Variants in AGMO observed in about 807,000 individuals in gnomAD.
AGMO encodes glyceryl-ether monooxygenase.
A neutral mutation model predicts 60.2 loss-of-function variants in AGMO; 75 were observed. The observed-to-expected ratio is 1.25, with a 90% confidence interval of 1.03 to 1.51. The LOEUF (loss-of-function observed/expected upper bound fraction) is 1.51. Ranked by LOEUF, AGMO falls within the 40% of genes most tolerant of loss-of-function variation. The pLI, the probability that AGMO is intolerant of heterozygous loss-of-function variation, is 0.00. For missense variants in AGMO, 763 were observed against 525.5 expected (o/e 1.45, Z -4.42); for synonymous variants, 261 against 177.1 (o/e 1.47, Z -3.76).
chr7:15,358,364 C>A lies in AGMO; in HGVS notation c.1263+7150G>T, dbSNP rs149543333. ...GTTAATGCTTTTTCAAAAGAGCTGC[C>A]CAGACGAGATGATAACGTGGAAAGG... is the stretch of plus-strand genomic sequence containing the variant. On this transcript the variant is annotated intron_variant, in intron 12 of 12. Coordinates refer to ENST00000342526, the MANE Select transcript of AGMO (RefSeq NM_001004320.2). 234 of 466,006 alleles carry A rather than the reference C, an allele frequency of 5.0e-4. 1 individual carries two copies. The highest frequency in any genetic ancestry group is 4.5e-3 in the African/African-American group (225 of 49,882). 28.9% of individuals were successfully genotyped at this position (466,006 alleles called of 1,614,324 possible).
At chr7:15,352,122 C>T (rs1782263758) in intron 12 of AGMO, among the ~76,000 whole-genome samples, 1 of 152,172 alleles carries the variant, frequency 6.6e-6, no homozygotes, top group Non-Finnish European at 1.5e-5. Flanking sequence ...AAGAAGACCT[C>T]TATTTCCAGT....
At chr7:15,205,085 G>C (rs1220116686) in intron 12 of AGMO, among the ~76,000 whole-genome samples, 23 of 152,154 alleles carry the variant, frequency 1.5e-4, no homozygotes, top group Admixed American at 1.5e-3. Flanking sequence ...TGTGCTTGTT[G>C]CATGCTCTCA....
chr7:15,178,319 G>A, the AGMO span, among the ~76,000 whole-genome samples: 1 of 152,120 alleles, frequency 6.6e-6, no homozygotes, highest in South Asian at 2.1e-4. Flanking sequence ...AGAATTCTAG[G>A]TTAAACTTTC....
intron 4 of AGMO, among the ~76,000 whole-genome samples, chr7:15,429,033 TGCTCTGAA>T (rs1397877526): frequency 1.3e-5 from 2 of 152,096 alleles, no homozygotes; most frequent in African/African-American, 4.8e-5. Context: ...CCCCATTAAC[TGCTCTGAA>T]GCCTTAATCC....
At chr7:15,477,335 T>C (rs753460688) in intron 3 of AGMO, among the ~76,000 whole-genome samples, 2 of 152,052 alleles carry the variant, frequency 1.3e-5, no homozygotes, top group African/African-American at 4.8e-5. Context: ...ATAAAATATG[T>C]CCCATAGACA....
intron 12 of AGMO, among the ~76,000 whole-genome samples, chr7:15,299,919 T>G: frequency 6.6e-6 from 1 of 151,356 alleles, no homozygotes; most frequent in South Asian, 2.1e-4. Context: ...TCCTTTCCTC[T>G]TACTTAGCAG....
the AGMO span, among the ~76,000 whole-genome samples, chr7:15,137,668 A>G: frequency 1.3e-5 from 2 of 152,160 alleles, no homozygotes; most frequent in Non-Finnish European, 2.9e-5. Context: ...GTTTTATAGC[A>G]GAAGATTAGT....
the AGMO span, among the ~76,000 whole-genome samples, chr7:15,169,966 T>C: frequency 6.6e-6 from 1 of 152,266 alleles, no homozygotes; most frequent in African/African-American, 2.4e-5. Flanking sequence ...GAATTTGGCT[T>C]AAGCCAGTGA....
chr7:15,550,988 C>T (rs1240070852), intron 2 of AGMO, among the ~76,000 whole-genome samples: 80 of 138,988 alleles, frequency 5.8e-4, no homozygotes, highest in Middle Eastern at 7.4e-3. Context: ...TGGGCTTCAT[C>T]CCTGGGATGC....
At chr7:15,263,508 T>C (rs751213467) in intron 12 of AGMO, among the ~76,000 whole-genome samples, 1 of 152,124 alleles carries the variant, frequency 6.6e-6, no homozygotes, top group Admixed American at 6.6e-5. Flanking sequence ...GAAAACAGTG[T>C]GGAGACACCT....
intron 3 of AGMO, among the ~76,000 whole-genome samples, chr7:15,484,993 T>C (rs1782873263): frequency 6.6e-6 from 1 of 151,694 alleles, no homozygotes; most frequent in Non-Finnish European, 1.5e-5. Flanking sequence ...GGATACAAGA[T>C]AATGTGATAT....
intron 3 of AGMO, among the ~76,000 whole-genome samples, chr7:15,531,417 CTATATATAT>C (rs1784344587): frequency 1.8e-5 from 1 of 56,692 alleles, no homozygotes; most frequent in Non-Finnish European, 2.9e-5. Context: ...TATATATATT[CTATATATAT>C]TCTATATATA....
rs528580704 is a variant in AGMO at position 15,317,303 on chromosome 7, C to T, written c.1263+48211G>A. On this transcript the variant is annotated intron_variant, in intron 12 of 12. Transcript: ENST00000342526. ...GTATATAAGGTATGAATTTATGACC[C>T]GGAAAAGTAGTCAAGTAAAAGCTTA... 7.2e-4 allele frequency among the ~76,000 whole-genome samples: 109 copies of T among 152,056 alleles called. No individual in the cohort carries two copies. In the South Asian group the frequency reaches 7.7e-3, roughly 11 times the overall value.
chr7:15,416,386 A>C (rs1461460292), intron 5 of AGMO, among the ~76,000 whole-genome samples: 1 of 152,082 alleles, frequency 6.6e-6, no homozygotes, highest in Non-Finnish European at 1.5e-5. Flanking sequence ...AAATTTCTAT[A>C]AACTATTTGG....
chr7:15,150,506 A>C, the AGMO span, among the ~76,000 whole-genome samples: 1 of 152,038 alleles, frequency 6.6e-6, no homozygotes, highest in African/African-American at 2.4e-5. Context: ...GAGGGTTTTT[A>C]ACATAAAAGG....
rs117425212 is a variant in AGMO, at chr7:15,367,264, T to A, written c.1075-1042A>T. Among the ~76,000 whole-genome samples the A allele has an allele frequency of 9.3e-3, 1,419 of 151,940 alleles. 10 individuals are homozygous for A. The highest frequency in any genetic ancestry group is 0.03 in the Admixed American group (457 of 15,240). On this transcript the variant is annotated intron_variant, in intron 10 of 12. Coordinates refer to ENST00000342526, the MANE Select transcript of AGMO (RefSeq NM_001004320.2). ...ATAAATGATAATTTTTTAAAAAAAA[T>A]TATCTTTTGAATCATTGTAACAAAA...
At chr7:15,429,009 G>A (rs918949769) in intron 4 of AGMO, among the ~76,000 whole-genome samples, 3 of 151,948 alleles carry the variant, frequency 2.0e-5, no homozygotes, top group South Asian at 2.1e-4. Flanking sequence ...CCTCCATCAC[G>A]TGCCCTGTTT....
chr7:15,441,322 T>C (rs1024841341), intron 3 of AGMO, among the ~76,000 whole-genome samples: 1 of 152,262 alleles, frequency 6.6e-6, no homozygotes, highest in African/African-American at 2.4e-5. Flanking sequence ...AAAATAATTA[T>C]GAATTTGACA....
rs137908487 is a variant in AGMO, at chr7:15,396,561, G to T, written c.610-2382C>A. The T allele has an allele frequency of 1.3e-5, 2 of 152,198 alleles. 1 individual carries two copies. The highest frequency in any genetic ancestry group is 1.3e-4 in the Admixed American group (2 of 15,254). 9.4% of individuals were successfully genotyped at this position (152,198 alleles called of 1,614,324 possible). ...AACAAAGCTACCACAACGAGGAAAA[G>T]GACAACAGCTTGCCGCTCCTTGCTT... On this transcript the variant is annotated intron_variant, in intron 5 of 12. Transcript: ENST00000342526.
Sources: gnomAD v4.1 joint callset for allele counts (sites outside exome capture counted in the v4.1 genomes callset) on GRCh38, gnomAD v4.1.1 for gene constraint, MANE v1.5 for transcripts, NCBI Gene and HGNC (gene_info 2026-07-23, HGNC 2026-07-21) for gene names.